HNRNPLL: variants seen among roughly 807,000 people sequenced by gnomAD.
The protein encoded by HNRNPLL is heterogeneous nuclear ribonucleoprotein L like.
HNRNPLL carries 25 observed loss-of-function variants against 67.1 expected under a neutral mutation model. The ratio of observed to expected loss-of-function variants is 0.37; its 90% CI spans 0.27 to 0.52. HNRNPLL has a LOEUF of 0.52. Among genes scored for constraint, HNRNPLL ranks in the 20% least tolerant of loss-of-function variants. The probability of loss-of-function intolerance (pLI) is 0.90; values close to 1 mark genes in which losing one functional copy is unlikely to be tolerated. For synonymous variants in HNRNPLL, 267 were observed against 241.7 expected, an observed-to-expected ratio of 1.10 and a Z score of -0.97; for missense variants, 542 against 673.9, an observed-to-expected ratio of 0.80 and a Z score of 2.17.
intron 12 of HNRNPLL, 52 bp from the exon 13 acceptor site, chr2:38,564,289 C>G: frequency 5.3e-6 from 5 of 950,594 alleles, no homozygotes; most frequent in Non-Finnish European, 8.6e-6. Flanking sequence ...CTTTCAAGAT[C>G]ACCTTGAAGT....
In HNRNPLL at chr2:38,602,923, A is replaced by G. The variant is rs998957230; in HGVS notation, c.-297T>C. ...GCTCCCTGCCCGGAGGAGCGAATCT[A>G]AGGATGGGGACGCAACCGTGGCTTC... On this transcript the variant is annotated 5_prime_UTR_variant, in exon 1 of 13. Coordinates refer to ENST00000449105, the MANE Select transcript of HNRNPLL (RefSeq NM_138394.4). 6.7e-7 allele frequency: 1 copy of G among 1,501,306 alleles called. No individual in the cohort carries two copies. The highest frequency in any genetic ancestry group is 1.4e-5 in the African/African-American group (1 of 71,566). The allele number at this position is 1,501,306 out of a possible 1,614,324, so 93.0% of individuals were successfully genotyped here.
intron 8 of HNRNPLL, among the ~76,000 whole-genome samples, chr2:38,570,218 C>A (rs1040609632): frequency 1.3e-5 from 2 of 152,214 alleles, no homozygotes; most frequent in East Asian, 3.9e-4. Flanking sequence ...CATGGATTGT[C>A]GCTGAAAATA....
chr2:38,578,152 C>A, intron 6 of HNRNPLL: 2 of 359,556 alleles, frequency 5.6e-6, no homozygotes, highest in African/African-American at 2.1e-5. Flanking sequence ...ACCATAACAC[C>A]AGGTAGGACT....
intron 8 of HNRNPLL, among the ~76,000 whole-genome samples, chr2:38,572,785 T>C (rs1666144223): frequency 6.6e-6 from 1 of 152,022 alleles, no homozygotes; most frequent in African/African-American, 2.4e-5. Context: ...AGGAAGCAAG[T>C]GCATAAATTC....
chr2:38,601,163 A>T (rs1212729291), intron 1 of HNRNPLL, among the ~76,000 whole-genome samples: 1 of 152,252 alleles, frequency 6.6e-6, no homozygotes, highest in Non-Finnish European at 1.5e-5. Flanking sequence ...TATTTCAAAT[A>T]GCTCGGCACA....
intron 7 of HNRNPLL, 74 bp downstream of exon 7, chr2:38,577,387 T>A: frequency 1.1e-6 from 1 of 918,862 alleles, no homozygotes. Context: ...ACAAGAAATG[T>A]GCCATACTTC....
intron 1 of HNRNPLL, among the ~76,000 whole-genome samples, chr2:38,594,291 G>A (rs894080945): frequency 2.0e-5 from 3 of 152,184 alleles, no homozygotes; most frequent in African/African-American, 4.8e-5. Context: ...AGGAAAATTT[G>A]AATACAGACA....
At chr2:38,593,400 T>C (rs1667037945) in intron 1 of HNRNPLL, among the ~76,000 whole-genome samples, 1 of 152,164 alleles carries the variant, frequency 6.6e-6, no homozygotes, top group Non-Finnish European at 1.5e-5. Flanking sequence ...GTATAACAAG[T>C]TTTACTCTCA....
intron 6 of HNRNPLL, among the ~76,000 whole-genome samples, chr2:38,579,168 T>C (rs1666421332): frequency 6.6e-6 from 1 of 152,154 alleles, no homozygotes. Context: ...AGAACTGGGT[T>C]GGGAATCAGA....
rs79002008 is a variant in HNRNPLL, at chr2:38,576,204, C to T, written c.874+1257G>A. ...TTCATTTATTCTTTCACAGATTTTT[C>T]TAATCCACTTTGGCAAAATATTTAA... On this transcript the variant is annotated intron_variant, in intron 7 of 12. Coordinates refer to ENST00000449105, the MANE Select transcript of HNRNPLL (RefSeq NM_138394.4). Among the ~76,000 whole-genome samples the T allele has an allele frequency of 2.2e-4, 34 of 151,890 alleles. No homozygotes were observed. The East Asian group carries it at 5.4e-3, about 24-fold the overall frequency.
At chr2:38,589,019 C>T (rs763540415) in intron 2 of HNRNPLL, among the ~76,000 whole-genome samples, 1 of 152,158 alleles carries the variant, frequency 6.6e-6, no homozygotes, top group African/African-American at 2.4e-5. Flanking sequence ...ATTTAGTGCA[C>T]AAACTGTGTC....
intron 12 of HNRNPLL, among the ~76,000 whole-genome samples, chr2:38,567,917 T>C (rs1227416803): frequency 6.6e-6 from 1 of 152,148 alleles, no homozygotes; most frequent in Non-Finnish European, 1.5e-5. Context: ...TGCAACTTCA[T>C]GGGAGATCCT....
chr2:38,585,810 C>A lies in HNRNPLL; in HGVS notation c.380G>T (p.Cys127Phe). ...EFENIDSAKE[C>F]VTFAADEPVY... Reference sequence around the variant, plus strand: ...GGGTTCATCTGCAGCAAATGTCACACATTCTTTGGCACTATCTATGTTTTC... The same window carrying A: ...GGGTTCATCTGCAGCAAATGTCACAAATTCTTTGGCACTATCTATGTTTTC... The change falls in exon 3 of 13, where the codon TGT (cysteine) becomes TTT (phenylalanine). Residue 127 changes from cysteine to phenylalanine, a missense_variant. By Grantham distance (205) the Cys-to-Phe change is radical. Transcript: ENST00000449105. The A allele has an allele frequency of 1.2e-6, 2 of 1,614,044 alleles. No individual in the cohort carries two copies. The highest frequency in any genetic ancestry group is 1.7e-6 in the Non-Finnish European group (2 of 1,179,934).
At chr2:38,574,483 G>T (rs987007509) in intron 7 of HNRNPLL, among the ~76,000 whole-genome samples, 1 of 151,828 alleles carries the variant, frequency 6.6e-6, no homozygotes, top group African/African-American at 2.4e-5. Context: ...TATTTCTCAA[G>T]AAGAGTATGT....
chr2:38,587,298 C>T (rs888556458), intron 2 of HNRNPLL, among the ~76,000 whole-genome samples: 26 of 152,236 alleles, frequency 1.7e-4, no homozygotes, highest in African/African-American at 6.3e-4. Context: ...TTACTACATA[C>T]AAACTCTAAG....
chr2:38,596,406 G>A (rs1010521660), intron 1 of HNRNPLL, among the ~76,000 whole-genome samples: 1 of 152,080 alleles, frequency 6.6e-6, no homozygotes, highest in Non-Finnish European at 1.5e-5. Context: ...CCACAAGCAT[G>A]TACCACCACA....
chr2:38,565,366 C>G (rs928643505), intron 12 of HNRNPLL, among the ~76,000 whole-genome samples: 3 of 151,950 alleles, frequency 2.0e-5, no homozygotes, highest in African/African-American at 7.2e-5. Flanking sequence ...AAAAATTAAG[C>G]CTGACTACTT....
At chr2:38,573,127 AAGG>A (rs1316945427) in intron 8 of HNRNPLL, 80 bp downstream of exon 8, 2 of 851,790 alleles carry the variant, frequency 2.3e-6, no homozygotes, top group East Asian at 5.3e-5. Context: ...TTCCTGATAC[AAGG>A]AGAAGACACA....
intron 6 of HNRNPLL, among the ~76,000 whole-genome samples, chr2:38,579,087 A>T (rs933131070): frequency 6.6e-5 from 10 of 152,248 alleles, no homozygotes; most frequent in Non-Finnish European, 1.3e-4. Context: ...GGAATCTTAA[A>T]ACCACAACAA....
Sources: gnomAD v4.1 joint callset for allele counts (sites outside exome capture counted in the v4.1 genomes callset) on GRCh38, gnomAD v4.1.1 for gene constraint, MANE v1.5 for transcripts, NCBI Gene and HGNC (gene_info 2026-07-23, HGNC 2026-07-21) for gene names.